The following EXOC4 variants were observed in gnomAD, a reference collection of about 807,000 sequenced individuals.
EXOC4 encodes the protein exocyst complex component 4.
Under a neutral mutation model 107.2 loss-of-function variants are expected in EXOC4, and 71 were observed. The observed-to-expected ratio is 0.66, with a 90% CI of 0.55 to 0.81. EXOC4 has a LOEUF of 0.81. EXOC4 is among the 30% of genes least tolerant of loss of function. EXOC4 has a pLI of 0.00. For synonymous variants in EXOC4, 456 were observed against 441.2 expected (o/e 1.03, Z -0.42); for missense variants, 1,108 against 1,189.6 (o/e 0.93, Z 1.01).
At chr7:133,955,532 T>G (rs118087724) in intron 14 of EXOC4, among the ~76,000 whole-genome samples, 2 of 152,296 alleles carry the variant, frequency 1.3e-5, no homozygotes, top group Non-Finnish European at 2.9e-5. Flanking sequence ...TGGGTGAGCC[T>G]GGAAAAAGTA....
chr7:133,355,313 G>A (rs1795997706), intron 5 of EXOC4, among the ~76,000 whole-genome samples: 2 of 151,530 alleles, frequency 1.3e-5, no homozygotes, highest in South Asian at 4.1e-4. Context: ...TGACTATTAG[G>A]CTCCATCTTC....
At chr7:133,919,250 A>G (rs536388443) in intron 13 of EXOC4, among the ~76,000 whole-genome samples, 2 of 152,280 alleles carry the variant, frequency 1.3e-5, no homozygotes, top group East Asian at 3.9e-4. Context: ...TTACAGAAAA[A>G]CTTGAACAAA....
At chr7:133,356,054 G>A (rs1796013749) in intron 5 of EXOC4, among the ~76,000 whole-genome samples, 1 of 152,124 alleles carries the variant, frequency 6.6e-6, no homozygotes, top group South Asian at 2.1e-4. Flanking sequence ...TGGACTCATG[G>A]CAGAAGTAGT....
chr7:133,860,195 A>AG (rs1324669988), intron 11 of EXOC4, among the ~76,000 whole-genome samples: 1 of 152,198 alleles, frequency 6.6e-6, no homozygotes, highest in Non-Finnish European at 1.5e-5. Flanking sequence ...TGTCCTTGAG[A>AG]GGAGCCCAAT....
At chr7:133,479,822 G>C in intron 8 of EXOC4, 1 of 523,400 alleles carries the variant, frequency 1.9e-6, no homozygotes, top group Non-Finnish European at 3.5e-6. Flanking sequence ...TGCAGAATAA[G>C]CAAAAGATCC....
intron 10 of EXOC4, among the ~76,000 whole-genome samples, chr7:133,796,029 T>TA (rs1563001296): frequency 2.0e-5 from 3 of 152,184 alleles, no homozygotes; most frequent in Non-Finnish European, 2.9e-5. Context: ...TCCTTTTATT[T>TA]CTTTTTTCCT....
At chr7:133,367,813 TGTGA>T (rs1483809060) in intron 6 of EXOC4, among the ~76,000 whole-genome samples, 1 of 152,200 alleles carries the variant, frequency 6.6e-6, no homozygotes, top group Admixed American at 6.5e-5. Context: ...CTCGGCATGT[TGTGA>T]GTAATTAGGA....
At chr7:133,488,649 A>G (rs1799314542) in intron 9 of EXOC4, among the ~76,000 whole-genome samples, 3 of 152,192 alleles carry the variant, frequency 2.0e-5, no homozygotes, top group Admixed American at 6.5e-5. Flanking sequence ...AATTTCCAAT[A>G]GGTTGATAAC....
intron 9 of EXOC4, among the ~76,000 whole-genome samples, chr7:133,532,713 T>A (rs1239899464): frequency 1.3e-5 from 2 of 152,144 alleles, no homozygotes; most frequent in Admixed American, 6.6e-5. Context: ...ATAAATAAAT[T>A]ATTTATTCCA....
chr7:133,698,377 A>G (rs1461473865), intron 10 of EXOC4, among the ~76,000 whole-genome samples: 1 of 152,044 alleles, frequency 6.6e-6, no homozygotes, highest in African/African-American at 2.4e-5. Flanking sequence ...AGGCAGGATG[A>G]TCGCTTGAGC....
intron 3 of EXOC4, among the ~76,000 whole-genome samples, chr7:133,303,275 A>T (rs1000668064): frequency 7.2e-5 from 11 of 152,148 alleles, no homozygotes; most frequent in Non-Finnish European, 1.0e-4. Context: ...TTTACTAAAG[A>T]TACAAAAAAT....
intron 11 of EXOC4, among the ~76,000 whole-genome samples, chr7:133,850,073 C>G (rs565679496): frequency 6.6e-6 from 1 of 152,288 alleles, no homozygotes; most frequent in African/African-American, 2.4e-5. Context: ...ATGTCAATTT[C>G]TTTGAGCTGC....
At chr7:133,334,931 AT>A (rs1166636431) in intron 5 of EXOC4, among the ~76,000 whole-genome samples, 1 of 152,170 alleles carries the variant, frequency 6.6e-6, no homozygotes, top group African/African-American at 2.4e-5. Flanking sequence ...TGTAGTATTC[AT>A]GTTGTATATG....
At chr7:133,505,126 T>C (rs1363713602) in intron 9 of EXOC4, among the ~76,000 whole-genome samples, 2 of 152,174 alleles carry the variant, frequency 1.3e-5, no homozygotes, top group Admixed American at 6.5e-5. Context: ...TACTAGTTTG[T>C]TGAAGAAGAG....
At chr7:133,817,932 C>T (rs148910595) in intron 11 of EXOC4, among the ~76,000 whole-genome samples, 62 of 152,310 alleles carry the variant, frequency 4.1e-4, no homozygotes, top group African/African-American at 1.4e-3. Context: ...CAGCAGGAAA[C>T]CCTCTATACC....
chr7:133,917,630 C>T lies in EXOC4; in HGVS notation c.1919C>T (p.Ala640Val). The T allele has an allele frequency of 6.2e-7, 1 of 1,613,980 alleles. No homozygotes were observed. The highest frequency in any genetic ancestry group is 8.5e-7 in the Non-Finnish European group (1 of 1,179,964). Residue 640 changes from alanine (A) to valine (V), a missense_variant, in exon 13 of 18, where the codon GCA (alanine) becomes GTA (valine). Transcript: ENST00000253861. ...AAACTTGTCATCAGTGCATCCTGGG[C>T]AAAAGATGATGATATCAGCAGACTC... ...EEKLVISASW[A>V]KDDDISRLLK...
intron 11 of EXOC4, among the ~76,000 whole-genome samples, chr7:133,889,166 A>C (rs1799151204): frequency 6.6e-6 from 1 of 152,182 alleles, no homozygotes; most frequent in South Asian, 2.1e-4. Flanking sequence ...AATCTCAAAA[A>C]GCCTTGGAGT....
At chr7:133,582,906 T>G (rs1188833279) in intron 9 of EXOC4, among the ~76,000 whole-genome samples, 2 of 152,240 alleles carry the variant, frequency 1.3e-5, no homozygotes, top group Non-Finnish European at 2.9e-5. Context: ...TCTTTGCAGA[T>G]GAATTGCATC....
intron 10 of EXOC4, among the ~76,000 whole-genome samples, chr7:133,669,693 A>G (rs1793903709): frequency 6.6e-6 from 1 of 152,204 alleles, no homozygotes; most frequent in Non-Finnish European, 1.5e-5. Context: ...ATTTGCGTAT[A>G]TTTGGGGTAA....
Sources: allele counts gnomAD v4.1 joint callset (sites outside exome capture counted in the v4.1 genomes callset), GRCh38; gene constraint gnomAD v4.1.1; transcripts MANE v1.5; gene names NCBI Gene and HGNC (gene_info 2026-07-23, HGNC 2026-07-21).